APOL3: variants seen among roughly 807,000 people sequenced by gnomAD.
The protein encoded by APOL3 is apolipoprotein L3.
A neutral mutation model predicts 11.6 loss-of-function variants in APOL3; 14 were observed. The ratio of observed to expected loss-of-function variants is 1.21; its 90% CI spans 0.80 to 1.89. The LOEUF (loss-of-function observed/expected upper bound fraction) is 1.89. Among genes scored for constraint, APOL3 ranks in the 40% most tolerant of loss-of-function variants. The pLI, the probability that APOL3 is intolerant of heterozygous loss-of-function variation, is 0.00. For missense variants in APOL3, 483 were observed against 492.1 expected, an observed-to-expected ratio of 0.98 and a Z score of 0.17; for synonymous variants, 192 against 190.6, an observed-to-expected ratio of 1.01 and a Z score of -0.06.
chr22:36,164,704 C>T (rs536176532), upstream of APOL3: 6 of 152,196 alleles, frequency 3.9e-5, no homozygotes, highest in African/African-American at 9.7e-5. Context: ...AGACCCACAC[C>T]AGAATATCAT....
upstream of APOL3, chr22:36,164,448 C>T (rs937386065): frequency 1.3e-5 from 2 of 152,176 alleles, no homozygotes; most frequent in Non-Finnish European, 1.5e-5. Context: ...ACTAAGCACT[C>T]CTTTGTCTTC....
chr22:36,153,773 G>A (rs1296562534), intron 1 of APOL3, among the ~76,000 whole-genome samples: 1 of 152,236 alleles, frequency 6.6e-6, no homozygotes, highest in Admixed American at 6.5e-5. Context: ...GTATGCCTGT[G>A]ACACAGCCTC....
At chr22:36,160,113 C>T (rs1380954906) in intron 1 of APOL3, among the ~76,000 whole-genome samples, 1 of 152,092 alleles carries the variant, frequency 6.6e-6, no homozygotes, top group Non-Finnish European at 1.5e-5. Context: ...GAACTCCTAA[C>T]CTCAAGTGAT....
At chr22:36,144,629 C>T (rs895140027) in intron 2 of APOL3, among the ~76,000 whole-genome samples, 2 of 152,096 alleles carry the variant, frequency 1.3e-5, no homozygotes, top group Admixed American at 6.5e-5. Flanking sequence ...AAAAGGGCCC[C>T]GGACAGCATC....
chr22:36,155,014 C>T (rs376806809), intron 1 of APOL3, among the ~76,000 whole-genome samples: 2 of 152,134 alleles, frequency 1.3e-5, no homozygotes, highest in East Asian at 1.9e-4. Context: ...ATGGAGGTGC[C>T]GATGGACCTC....
upstream of APOL3, among the ~76,000 whole-genome samples, chr22:36,162,410 G>T (rs2082521457): frequency 6.6e-6 from 1 of 152,172 alleles, no homozygotes; most frequent in Admixed American, 6.5e-5. Context: ...ATAAAATGTG[G>T]TTTTATTATA....
Position 36,142,037 on chromosome 22 carries a change from G to C in APOL3, c.372C>G (p.Tyr124Ter), listed in dbSNP as rs147312987. 3 of 1,612,736 alleles carry C rather than the reference G, an allele frequency of 1.9e-6. No individual in the cohort carries two copies. The highest frequency in any genetic ancestry group is 2.5e-6 in the Non-Finnish European group (3 of 1,179,294). The change falls in exon 3 of 3, where the codon TAC becomes TAG. Residue 124 changes from tyrosine to a stop codon, truncating the protein, a stop_gained. Coordinates refer to ENST00000349314, the Ensembl canonical transcript of APOL3. LOFTEE classifies it low-confidence loss of function (END_TRUNC). ...ATGTTCTAAGCTTCTTCAGAGCTTC[G>C]TAGAGAGCATCTGCCTCATCCCTGT...
At chr22:36,143,997 A>G (rs2060095326) in intron 2 of APOL3, among the ~76,000 whole-genome samples, 1 of 151,654 alleles carries the variant, frequency 6.6e-6, no homozygotes, top group Admixed American at 6.6e-5. Context: ...ACTTGTTCCA[A>G]CTCTCCAAGC....
At chr22:36,161,748 G>A (rs1450848789), upstream of APOL3, among the ~76,000 whole-genome samples, 1 of 149,346 alleles carries the variant, frequency 6.7e-6, no homozygotes, top group Non-Finnish European at 1.5e-5. Context: ...AAAGACAAAA[G>A]AGTATATTAG....
chr22:36,141,834 C>G, exon 3 of APOL3: 1 of 1,614,250 alleles, frequency 6.2e-7, no homozygotes, highest in Non-Finnish European at 8.5e-7. Flanking sequence ...GCCAGTGGAG[C>G]TGGACACCAC....
intron 1 of APOL3, among the ~76,000 whole-genome samples, chr22:36,159,993 T>C (rs1321383913): frequency 6.6e-6 from 1 of 152,130 alleles, no homozygotes; most frequent in East Asian, 1.9e-4. Context: ...GTGATTCTCA[T>C]GCCTCAGCCT....
chr22:36,151,430 T>C (rs1168440953), intron 1 of APOL3, among the ~76,000 whole-genome samples: 3 of 152,108 alleles, frequency 2.0e-5, no homozygotes, highest in Non-Finnish European at 4.4e-5. Context: ...GTTTTATTCA[T>C]AAATGAGAAC....
intron 1 of APOL3, chr22:36,156,735 G>T (rs751606245): frequency 1.4e-4 from 41 of 297,020 alleles, no homozygotes; most frequent in African/African-American, 8.4e-4. Context: ...TCTGCTTTCC[G>T]GGGGCAGCTC....
rs772732581 is a variant in APOL3 at position 36,141,380 on chromosome 22, G to T, written c.1029C>A (p.Thr343=). The T allele has an allele frequency of 5.0e-6, 8 of 1,614,066 alleles. No homozygotes were observed. In the South Asian group the frequency reaches 5.5e-5, roughly 11 times the overall value. ...CCAGTGCAAGGAAGATGCCTGAAGT[G>T]GTCGCACTCAGGATCCGGGCTCCTC... Residue 343 remains threonine (T), a synonymous_variant, in exon 3 of 3, where the codon ACC becomes ACA. Transcript: ENST00000349314.
intron 1 of APOL3, chr22:36,149,352 C>G: frequency 3.8e-6 from 5 of 1,306,416 alleles, no homozygotes; most frequent in Non-Finnish European, 5.1e-6. Context: ...ACTCTCACAC[C>G]AAGGCAGGGT....
intron 2 of APOL3, among the ~76,000 whole-genome samples, chr22:36,144,574 G>C (rs1386046409): frequency 6.6e-6 from 1 of 152,154 alleles, no homozygotes; most frequent in African/African-American, 2.4e-5. Context: ...TTCTGTGTCA[G>C]CAGGAGGATC....
In APOL3 at chr22:36,149,733, A is replaced by G. The variant is rs147126792; in HGVS notation, c.224-4134T>C. The G allele has an allele frequency of 4.2e-3, 1,705 of 407,706 alleles. 22 individuals carry two copies. Among genetic ancestry groups the G allele is most frequent in the African/African-American group, 0.033 (1,585 of 48,716 alleles). The allele number at this position is 407,706 out of a possible 1,614,324, so 25.3% of individuals were successfully genotyped here. ...CCCATGTCTTCCATGACTGGGCTCC[A>G]CTCCCTTAAATATATAAAAATATTG... On this transcript the variant is annotated intron_variant, in intron 1 of 2. Coordinates refer to ENST00000349314, the Ensembl canonical transcript of APOL3.
At chr22:36,165,255 A>C (rs570648701), upstream of APOL3, 4 of 140,594 alleles carry the variant, frequency 2.8e-5, no homozygotes, top group South Asian at 2.1e-4. Flanking sequence ...ATTACTCAAC[A>C]AATTATTAAT....
At chr22:36,158,882 A>G (rs1398604738) in intron 1 of APOL3, among the ~76,000 whole-genome samples, 1 of 152,180 alleles carries the variant, frequency 6.6e-6, no homozygotes, top group Admixed American at 6.5e-5. Context: ...GCTGCACAGA[A>G]TCAAAGACCC....
Sources: gnomAD v4.1 joint callset for allele counts (sites outside exome capture counted in the v4.1 genomes callset) on GRCh38, gnomAD v4.1.1 for gene constraint, MANE v1.5 for transcripts, NCBI Gene and HGNC (gene_info 2026-07-23, HGNC 2026-07-21) for gene names.